Variants in ZFPM1 observed in about 807,000 individuals in gnomAD.
ZFPM1 encodes zinc finger protein, FOG family member 1.
In ZFPM1, 28 loss-of-function variants were observed where a neutral mutation model predicts 46.3. The ratio of observed to expected loss-of-function variants is 0.60; its 90% CI spans 0.45 to 0.83. The LOEUF is 0.83. Among genes scored for constraint, ZFPM1 ranks in the 40% least tolerant of loss-of-function variants. The probability of loss-of-function intolerance (pLI) is 0.00; values close to 1 mark genes in which losing one functional copy is unlikely to be tolerated. For synonymous variants in ZFPM1, 957 were observed against 675.9 expected, an observed-to-expected ratio of 1.42 and a Z score of -6.45; for missense variants, 1,878 against 1,432.4, an observed-to-expected ratio of 1.31 and a Z score of -5.02.
At chr16:88,453,794 C>A in intron 1 of ZFPM1, 116 bp downstream of exon 1, 2 of 556,848 alleles carry the variant, frequency 3.6e-6, no homozygotes, top group Middle Eastern at 8.3e-4. Flanking sequence ...ACCTTCACCC[C>A]GCGCCGCGCC....
Position 88,534,763 on chromosome 16 carries a change from C to A in ZFPM1, c.2805C>A (p.Ser935=). The A allele has an allele frequency of 8.9e-7, 1 of 1,120,638 alleles. No individual in the cohort carries two copies. Among genetic ancestry groups the A allele is most frequent in the Non-Finnish European group, 1.1e-6 (1 of 916,668 alleles). 69.4% of individuals were successfully genotyped at this position (1,120,638 alleles called of 1,614,324 possible). The change falls in exon 10 of 10, where the codon TCC becomes TCA. Residue 935 remains serine (S), a synonymous_variant. Coordinates refer to ENST00000319555, the MANE Select transcript of ZFPM1 (RefSeq NM_153813.3). Reference sequence around the variant, plus strand: ...AGCCGCCGCCCGGCCCGCCCCCGTCCCCGGCCGCCGCGCCCGAGGCCGTGC... The same window carrying A: ...AGCCGCCGCCCGGCCCGCCCCCGTCACCGGCCGCCGCGCCCGAGGCCGTGC... ...PQEPPPGPPP[S]PAAAPEAVPP...
At chr16:88,503,024 G>T (rs991029389) in intron 3 of ZFPM1, among the ~76,000 whole-genome samples, 1 of 152,254 alleles carries the variant, frequency 6.6e-6, no homozygotes, top group Non-Finnish European at 1.5e-5. Context: ...GGTCTCTTCG[G>T]CAGGTGGGAG....
intron 4 of ZFPM1, 117 bp from the exon 5 acceptor site, chr16:88,526,697 G>A: frequency 8.8e-7 from 1 of 1,137,942 alleles, no homozygotes; most frequent in South Asian, 1.5e-5. Context: ...CCACAGCTTG[G>A]CCTACCAGCC....
At chr16:88,504,779 T>C (rs1910559021) in intron 3 of ZFPM1, among the ~76,000 whole-genome samples, 1 of 152,186 alleles carries the variant, frequency 6.6e-6, no homozygotes, top group African/African-American at 2.4e-5. Flanking sequence ...AAGACCTGGC[T>C]CCGAGCTGTC....
rs1912379924 is a variant in ZFPM1 at position 88,526,899 on chromosome 16, CAG to C, written c.492_493del (p.Glu164AspfsTer6). On this transcript the variant is annotated frameshift_variant, in exon 5 of 10. Transcript: ENST00000319555. LOFTEE classifies it high-confidence loss of function. Reference sequence around the variant, plus strand: ...GCCCTGACTGAGGCCGAGGCCAACACAGAGATCCACAGGAAGGGTCAGTATGA... The same window carrying C: ...GCCCTGACTGAGGCCGAGGCCAACACAGATCCACAGGAAGGGTCAGTATGA... The C allele has an allele frequency of 6.3e-7, 1 of 1,576,226 alleles. No individual in the cohort carries two copies. Among genetic ancestry groups the C allele is most frequent in the African/African-American group, 1.3e-5 (1 of 74,178 alleles).
chr16:88,512,897 C>T (rs1329879760), intron 3 of ZFPM1: 2 of 152,294 alleles, frequency 1.3e-5, no homozygotes, highest in South Asian at 2.1e-4. Context: ...TGGAGCCAGG[C>T]CTCTGGGTTT....
intron 6 of ZFPM1, 59 bp downstream of exon 6, chr16:88,528,297 G>T: frequency 6.6e-7 from 1 of 1,503,768 alleles, no homozygotes. Context: ...AGCAGGCAGG[G>T]CAGGAGAGGG....
chr16:88,451,775 G>A (rs1469257809), upstream of ZFPM1, among the ~76,000 whole-genome samples: 4 of 152,188 alleles, frequency 2.6e-5, no homozygotes, highest in African/African-American at 9.6e-5. Context: ...CCCTGGCAGA[G>A]AGCAGGAAGG....
At chr16:88,519,662 G>A (rs111172643) in intron 4 of ZFPM1, among the ~76,000 whole-genome samples, 2 of 136,066 alleles carry the variant, frequency 1.5e-5, no homozygotes, top group African/African-American at 2.7e-5. Flanking sequence ...TAGGTGGATG[G>A]ATGGATGGGT....
intron 4 of ZFPM1, among the ~76,000 whole-genome samples, chr16:88,520,127 G>A (rs1231002633): frequency 6.7e-6 from 1 of 150,102 alleles, no homozygotes; most frequent in East Asian, 2.0e-4. Flanking sequence ...GTGGGTGGCT[G>A]AGAAGGTGGA....
At chr16:88,521,269 C>G (rs980624510) in intron 4 of ZFPM1, among the ~76,000 whole-genome samples, 1 of 151,526 alleles carries the variant, frequency 6.6e-6, no homozygotes, top group Non-Finnish European at 1.5e-5. Flanking sequence ...GCTGTGAAAA[C>G]TAAAGGGAGA....
At chr16:88,511,802 T>C (rs1910979335) in intron 3 of ZFPM1, among the ~76,000 whole-genome samples, 2 of 152,176 alleles carry the variant, frequency 1.3e-5, no homozygotes, top group Admixed American at 1.3e-4. Flanking sequence ...AGATCAGCCA[T>C]GCTCCCCTTA....
intron 2 of ZFPM1, among the ~76,000 whole-genome samples, chr16:88,486,888 G>C (rs1199624218): frequency 2.6e-5 from 4 of 152,148 alleles, no homozygotes; most frequent in African/African-American, 9.7e-5. Context: ...CTCCTGCTAA[G>C]ACACCACACC....
At chr16:88,488,417 G>A (rs1003056083) in intron 2 of ZFPM1, among the ~76,000 whole-genome samples, 19 of 152,378 alleles carry the variant, frequency 1.2e-4, no homozygotes, top group Admixed American at 4.6e-4. Context: ...GCCGCTTGGC[G>A]GGTCCAGCGA....
chr16:88,480,493 C>T lies in ZFPM1; in HGVS notation c.41-5446C>T, dbSNP rs1008320672. On this transcript the variant is annotated intron_variant, in intron 1 of 9. Transcript: ENST00000319555. The surrounding 1 kb of genome is among the most constrained non-coding windows in gnomAD (Gnocchi z 4.9). ...GGCCGTGTGGCTGCCAGTGGTCACCCGCCCCACCAGCTGCTCACATGGGGC... is the reference window on the plus strand; with the variant it reads ...GGCCGTGTGGCTGCCAGTGGTCACCTGCCCCACCAGCTGCTCACATGGGGC... Among the ~76,000 whole-genome samples, 3 of 152,216 alleles carry T rather than the reference C, an allele frequency of 2.0e-5. No individual in the cohort carries two copies. Among genetic ancestry groups the T allele is most frequent in the Admixed American group, 6.5e-5 (1 of 15,292 alleles).
chr16:88,456,940 A>G (rs1368816932), intron 1 of ZFPM1, among the ~76,000 whole-genome samples: 1 of 152,112 alleles, frequency 6.6e-6, no homozygotes, highest in African/African-American at 2.4e-5. Flanking sequence ...CCGGGGAGGG[A>G]GGGTCCCTGA....
intron 3 of ZFPM1, among the ~76,000 whole-genome samples, chr16:88,493,903 C>T (rs1415935819): frequency 6.6e-6 from 1 of 152,168 alleles, no homozygotes; most frequent in Non-Finnish European, 1.5e-5. Flanking sequence ...GCCACGGCTT[C>T]AAAGGAGGGC....
At chr16:88,467,922 C>T (rs1385834490) in intron 1 of ZFPM1, among the ~76,000 whole-genome samples, 1 of 152,146 alleles carries the variant, frequency 6.6e-6, no homozygotes, top group African/African-American at 2.4e-5. Context: ...TCGAGCTGAG[C>T]GGCCCCCCTT....
intron 3 of ZFPM1, among the ~76,000 whole-genome samples, chr16:88,506,055 G>A (rs1265977235): frequency 6.6e-6 from 1 of 152,158 alleles, no homozygotes; most frequent in African/African-American, 2.4e-5. Context: ...CATCCAGGAG[G>A]CCTGGGGCTC....
Sources: gnomAD v4.1 joint callset for allele counts (sites outside exome capture counted in the v4.1 genomes callset) on GRCh38, gnomAD v4.1.1 for gene constraint, Gnocchi (gnomAD v3.1) non-coding constraint, MANE v1.5 for transcripts, NCBI Gene and HGNC (gene_info 2026-07-23, HGNC 2026-07-21) for gene names.